CFAP61: variants seen among roughly 807,000 people sequenced by gnomAD.
CFAP61 encodes cilia and flagella associated protein 61, also known as cilia- and flagella-associated protein 61.
A neutral mutation model predicts 135.6 loss-of-function variants in CFAP61; 107 were observed. That is an observed-to-expected ratio of 0.79 (90% confidence interval 0.67 to 0.93). The LOEUF is 0.93. Among genes scored for constraint, CFAP61 ranks in the 40% least tolerant of loss-of-function variants. CFAP61 has a pLI of 0.00. For missense variants in CFAP61, 1,507 were observed against 1,556.2 expected (o/e 0.97, Z 0.53); for synonymous variants, 575 against 578.5 (o/e 0.99, Z 0.09).
intron 1 of CFAP61, chr20:20,055,933 C>T (rs1210479180): frequency 6.3e-7 from 1 of 1,587,464 alleles, no homozygotes; most frequent in Admixed American, 1.7e-5. Context: ...AAATTGAAAT[C>T]ATTTTGTGAC....
chr20:20,329,245 C>T (rs1170360268), intron 25 of CFAP61, among the ~76,000 whole-genome samples: 2 of 152,126 alleles, frequency 1.3e-5, no homozygotes, highest in Non-Finnish European at 2.9e-5. Flanking sequence ...TTATCCAGCT[C>T]CATCTGTGCT....
At chr20:20,178,844 C>T (rs982801465) in intron 13 of CFAP61, among the ~76,000 whole-genome samples, 1 of 152,084 alleles carries the variant, frequency 6.6e-6, no homozygotes, top group Non-Finnish European at 1.5e-5. Flanking sequence ...CCGATAGAAA[C>T]TTCATTTTTA....
intron 20 of CFAP61, chr20:20,253,741 C>G (rs1192585117): frequency 3.5e-6 from 1 of 288,288 alleles, no homozygotes; most frequent in Non-Finnish European, 6.9e-6. Flanking sequence ...ATATGCATAC[C>G]CTGACGGCCT....
At chr20:20,211,738 T>G (rs2047657107) in intron 17 of CFAP61, among the ~76,000 whole-genome samples, 1 of 152,234 alleles carries the variant, frequency 6.6e-6, no homozygotes, top group African/African-American at 2.4e-5. Context: ...TTTTTTCATA[T>G]AATTCAGTGC....
intron 8 of CFAP61, among the ~76,000 whole-genome samples, chr20:20,115,470 A>ATAT (rs2049074426): frequency 6.6e-6 from 1 of 151,976 alleles, no homozygotes; most frequent in Admixed American, 6.6e-5. Context: ...GCTATTTTGA[A>ATAT]ATATATAATA....
At chr20:20,227,794 A>T (rs528430330) in intron 17 of CFAP61, among the ~76,000 whole-genome samples, 1 of 152,238 alleles carries the variant, frequency 6.6e-6, no homozygotes, top group Admixed American at 6.5e-5. Context: ...AGAATTGAAC[A>T]TGAGCTAAAA....
Position 20,262,971 on chromosome 20 carries a change from G to C in CFAP61, c.2344G>C (p.Glu782Gln), listed in dbSNP as rs1457098349. The C allele has an allele frequency of 6.2e-7, 1 of 1,612,442 alleles. No homozygotes were observed. Among genetic ancestry groups the C allele is most frequent in the East Asian group, 2.2e-5 (1 of 44,810 alleles). ...GQQYQVPCPT[E>Q]ADISQHLTNR... is the part of the protein sequence containing the mutation. ...CATGCTTCAGGTCCCATGCCCTACA[G>C]AGGCTGATATTAGTCAACACCTGAC... The change falls in exon 21 of 27, where the codon GAG (glutamate) becomes CAG (glutamine). Residue 782 changes from glutamate (E) to glutamine (Q), a missense_variant. By Grantham distance (29) the Glu-to-Gln change is conservative. Coordinates refer to ENST00000245957, the MANE Select transcript of CFAP61 (RefSeq NM_015585.4).
chr20:20,271,433 C>G (rs529834248), intron 21 of CFAP61, among the ~76,000 whole-genome samples: 7 of 152,212 alleles, frequency 4.6e-5, no homozygotes, highest in Non-Finnish European at 1.0e-4. Flanking sequence ...CTTTCCGTCT[C>G]TCTCTCCCCT....
At chr20:20,296,326 C>CCCTTCCTTCCTTCCTTCCCTCCCT (rs56388322) in intron 24 of CFAP61, among the ~76,000 whole-genome samples, 1 of 34,624 alleles carries the variant, frequency 2.9e-5, no homozygotes, top group African/African-American at 1.1e-4. Flanking sequence ...CTCCTTCCTT[C>CCCTTCCTTCCTTCCTTCCCTCCCT]CCTTCCTTCC....
chr20:20,193,736 C>T lies in CFAP61; in HGVS notation c.1590+2317C>T, dbSNP rs113543060. 7.3e-3 allele frequency among the ~76,000 whole-genome samples: 1,107 copies of T among 152,212 alleles called. 14 individuals are homozygous for T. The highest frequency in any genetic ancestry group is 0.012 in the Non-Finnish European group (783 of 67,996). On this transcript the variant is annotated intron_variant, in intron 15 of 26. Coordinates refer to ENST00000245957, the MANE Select transcript of CFAP61 (RefSeq NM_015585.4). ...TCAAGCGATTCTCCTGCCTCAGCCT[C>T]CTGAGTAGCTGGAATTACAGGTGTG... is the stretch of plus-strand genomic sequence containing the variant.
intron 2 of CFAP61, among the ~76,000 whole-genome samples, chr20:20,059,664 C>T (rs1777616223): frequency 6.6e-6 from 1 of 151,852 alleles, no homozygotes; most frequent in Non-Finnish European, 1.5e-5. Flanking sequence ...AATGAATAAT[C>T]ATGTTTAAAC....
intron 12 of CFAP61, among the ~76,000 whole-genome samples, chr20:20,168,819 G>T (rs1451458831): frequency 6.6e-6 from 1 of 152,064 alleles, no homozygotes; most frequent in Non-Finnish European, 1.5e-5. Context: ...TCACCCAACT[G>T]GGATCACGTC....
At chr20:20,077,148 A>C (rs1040384516) in intron 6 of CFAP61, among the ~76,000 whole-genome samples, 33 of 152,160 alleles carry the variant, frequency 2.2e-4, no homozygotes, top group African/African-American at 7.5e-4. Context: ...TCCTCCGCCC[A>C]AAAAAACCCC....
At chr20:20,181,196 T>C (rs1014540513) in intron 13 of CFAP61, among the ~76,000 whole-genome samples, 59 of 137,440 alleles carry the variant, frequency 4.3e-4, no homozygotes, top group South Asian at 4.9e-4. Flanking sequence ...CATATATATG[T>C]ATATATATGT....
rs539282801 is a variant in CFAP61, at chr20:20,346,433, G to C, written c.3513+4512G>C. On this transcript the variant is annotated intron_variant, in intron 26 of 26. Coordinates refer to ENST00000245957, the MANE Select transcript of CFAP61 (RefSeq NM_015585.4). Reference sequence around the variant, plus strand: ...CCCGGGAGGCTGAGGTAGGAGATTTGCTTGAACCTGGGAGGTAGAGGTTGC... The same window carrying C: ...CCCGGGAGGCTGAGGTAGGAGATTTCCTTGAACCTGGGAGGTAGAGGTTGC... Among the ~76,000 whole-genome samples the C allele has an allele frequency of 1.0e-4, 15 of 148,666 alleles. No individual in the cohort carries two copies. The South Asian group carries it at 2.1e-3, about 21-fold the overall frequency.
At chr20:20,236,842 A>G (rs955213565) in intron 18 of CFAP61, among the ~76,000 whole-genome samples, 9 of 152,156 alleles carry the variant, frequency 5.9e-5, no homozygotes, top group Non-Finnish European at 1.0e-4. Context: ...GCCATCTCTC[A>G]TGTGCAAGGG....
intron 17 of CFAP61, among the ~76,000 whole-genome samples, chr20:20,227,712 G>A (rs547011943): frequency 6.6e-6 from 1 of 152,320 alleles, no homozygotes. Context: ...TTTAATAAAT[G>A]TTTGCCATTT....
chr20:20,355,698 GA>G (rs1321909547), intron 26 of CFAP61, among the ~76,000 whole-genome samples: 3 of 148,338 alleles, frequency 2.0e-5, no homozygotes, highest in African/African-American at 5.0e-5. Context: ...CACACTGTGA[GA>G]GGAGGTGGTC....
chr20:20,186,047 G>T (rs963631662), intron 13 of CFAP61, among the ~76,000 whole-genome samples: 1 of 152,016 alleles, frequency 6.6e-6, no homozygotes, highest in East Asian at 1.9e-4. Flanking sequence ...CATACAATTT[G>T]TCCACTTCAA....
Sources: gnomAD v4.1 joint callset for allele counts (sites outside exome capture counted in the v4.1 genomes callset) on GRCh38, gnomAD v4.1.1 for gene constraint, MANE v1.5 for transcripts, NCBI Gene and HGNC (gene_info 2026-07-23, HGNC 2026-07-21) for gene names.